COX10: variants seen among roughly 807,000 people sequenced by gnomAD.
The protein encoded by COX10 is protoheme IX farnesyltransferase, mitochondrial.
COX10 carries 27 observed loss-of-function variants against 37.3 expected under a neutral mutation model. That is an observed-to-expected ratio of 0.72 (90% CI 0.53 to 1.00). The LOEUF (loss-of-function observed/expected upper bound fraction) is 1.00. Among genes scored for constraint, COX10 ranks in the 50% least tolerant of loss-of-function variants. The pLI, the probability that COX10 is intolerant of heterozygous loss-of-function variation, is 0.00. For missense variants in COX10, 475 were observed against 563.2 expected, an observed-to-expected ratio of 0.84 and a Z score of 1.59; for synonymous variants, 222 against 229.1, an observed-to-expected ratio of 0.97 and a Z score of 0.28.
chr17:14,178,538 C>A (rs1194719308), intron 5 of COX10, among the ~76,000 whole-genome samples: 1 of 145,848 alleles, frequency 6.9e-6, no homozygotes, highest in Non-Finnish European at 1.5e-5. Flanking sequence ...AGACAAAAAT[C>A]TATTAAATTC....
chr17:14,117,797 C>CTAA (rs1916146687), intron 4 of COX10, among the ~76,000 whole-genome samples: 1 of 152,154 alleles, frequency 6.6e-6, no homozygotes, highest in Non-Finnish European at 1.5e-5. Context: ...TCTGCCTTAT[C>CTAA]CCAAGGACAA....
intron 4 of COX10, among the ~76,000 whole-genome samples, chr17:14,124,638 G>C (rs1190866070): frequency 6.6e-6 from 1 of 152,100 alleles, no homozygotes; most frequent in East Asian, 1.9e-4. Context: ...GATTACATAA[G>C]AAAGGAAAAA....
intron 4 of COX10, among the ~76,000 whole-genome samples, chr17:14,143,547 G>A (rs1904612006): frequency 6.6e-6 from 1 of 152,080 alleles, no homozygotes; most frequent in Non-Finnish European, 1.5e-5. Context: ...GTTAAAGAGA[G>A]GTTTCAAGTC....
chr17:14,174,456 C>CAA (rs61593222), intron 5 of COX10, among the ~76,000 whole-genome samples: 12,740 of 65,928 alleles, frequency 0.19, 1,140 homozygotes, highest in East Asian at 0.45. Flanking sequence ...AAGACCCTGT[C>CAA]AAAAAAAAAA....
At chr17:14,107,820 A>G (rs1214282524) in intron 4 of COX10, among the ~76,000 whole-genome samples, 1 of 152,082 alleles carries the variant, frequency 6.6e-6, no homozygotes, top group African/African-American at 2.4e-5. Context: ...CCTCATTACT[A>G]TGGTTGTCAC....
Position 14,069,640 on chromosome 17 carries a change from T to C in COX10, c.35T>C (p.Leu12Pro), listed in dbSNP as rs1035908396. Reference sequence around the variant, plus strand: ...TCTCCGCACACTCTCTCCTCACGCCTCCTGACAGGTACTGTACCCGCCTTG... The same window carrying C: ...TCTCCGCACACTCTCTCCTCACGCCCCCTGACAGGTACTGTACCCGCCTTG... The part of the protein sequence containing the change: ...AASPHTLSSR[L>P]LTGCVGGSVW... Residue 12 changes from leucine (L) to proline (P), a missense_variant, in exon 1 of 7, where the codon CTC becomes CCC. Coordinates refer to ENST00000261643, the MANE Select transcript of COX10 (RefSeq NM_001303.4). 3 of 1,613,900 alleles carry C rather than the reference T, an allele frequency of 1.9e-6. No homozygotes were observed. The highest frequency in any genetic ancestry group is 2.5e-6 in the Non-Finnish European group (3 of 1,179,976).
At chr17:14,179,247 T>C (rs1332770198) in intron 5 of COX10, 4 of 982,294 alleles carry the variant, frequency 4.1e-6, no homozygotes, top group South Asian at 9.4e-5. Flanking sequence ...CCATCTCTTA[T>C]CAAACCTGAG....
rs1306849814 is a variant in COX10, at chr17:14,178,591, C to T, written c.696-13398C>T. ...CTCTTCTGTTTCTCCTTTTTGTAGC[C>T]GACTTCTGGAAAGGGTGGCCTGCTC... is the stretch of plus-strand genomic sequence containing the variant. On this transcript the variant is annotated intron_variant, in intron 5 of 6. Coordinates refer to ENST00000261643, the MANE Select transcript of COX10 (RefSeq NM_001303.4). Among the ~76,000 whole-genome samples the T allele has an allele frequency of 4.0e-5, 6 of 149,180 alleles. No individual in the cohort carries two copies. The East Asian group carries it at 6.0e-4, about 15-fold the overall frequency.
chr17:14,119,067 A>G (rs536103423), intron 4 of COX10, among the ~76,000 whole-genome samples: 28 of 151,996 alleles, frequency 1.8e-4, no homozygotes, highest in African/African-American at 5.8e-4. Context: ...TGACAGTTTC[A>G]GTTGCTGTTA....
At chr17:14,140,389 G>A (rs151288009) in intron 4 of COX10, among the ~76,000 whole-genome samples, 2,066 of 152,038 alleles carry the variant, frequency 0.014, 14 homozygotes, top group African/African-American at 0.025. Context: ...CTATCAAGTT[G>A]TTTACCACAT....
intron 5 of COX10, among the ~76,000 whole-genome samples, chr17:14,163,386 T>C (rs946289224): frequency 2.0e-5 from 3 of 151,836 alleles, no homozygotes; most frequent in African/African-American, 7.3e-5. Flanking sequence ...TCCCAAGTAG[T>C]TGGGACTACA....
chr17:14,172,826 T>G (rs980221499), intron 5 of COX10, among the ~76,000 whole-genome samples: 3 of 152,064 alleles, frequency 2.0e-5, no homozygotes, highest in Non-Finnish European at 4.4e-5. Context: ...GTGCTGGGAT[T>G]ACAAGTGCGA....
At chr17:14,196,426 C>T (rs1459226957) in intron 6 of COX10, among the ~76,000 whole-genome samples, 7 of 152,118 alleles carry the variant, frequency 4.6e-5, no homozygotes, top group Non-Finnish European at 8.8e-5. Flanking sequence ...TGACCAGTTT[C>T]TTTGAGGAGG....
At position 14,102,153 on chromosome 17, in the gene COX10, T is replaced by C. The variant is rs143593847; in HGVS notation, c.535T>C (p.Leu179=). The C allele has an allele frequency of 9.5e-5, 153 of 1,613,746 alleles. 1 individual carries two copies. Among genetic ancestry groups the C allele is most frequent in the African/African-American group, 9.1e-4 (68 of 75,018 alleles). ...AAGTACCACTGCAGCTGGATTTGCA[T>C]TGGCTCCGGGCCCTTTTGACTGGCC... ...VVSTTAAGFA[L]APGPFDWPCF... Residue 179 remains leucine (L), a synonymous_variant, in exon 4 of 7, where the codon TTG becomes CTG. Coordinates refer to ENST00000261643, the MANE Select transcript of COX10 (RefSeq NM_001303.4).
At chr17:14,175,324 G>C (rs1013691522) in intron 5 of COX10, among the ~76,000 whole-genome samples, 21 of 151,510 alleles carry the variant, frequency 1.4e-4, no homozygotes, top group Admixed American at 3.3e-4. Context: ...GGAATAGAAT[G>C]TTGTAGAACA....
chr17:14,073,189 A>C (rs184393101), intron 1 of COX10, among the ~76,000 whole-genome samples: 46 of 152,326 alleles, frequency 3.0e-4, no homozygotes, highest in Admixed American at 1.2e-3. Flanking sequence ...GAAGTATTGA[A>C]GGCAGGAGGA....
intron 3 of COX10, among the ~76,000 whole-genome samples, chr17:14,094,362 A>G (rs944659941): frequency 2.0e-5 from 3 of 151,792 alleles, no homozygotes; most frequent in African/African-American, 7.2e-5. Context: ...TCTTACACTG[A>G]TATATTCATT....
At chr17:14,194,588 A>G (rs1377602380) in intron 6 of COX10, among the ~76,000 whole-genome samples, 5 of 152,134 alleles carry the variant, frequency 3.3e-5, no homozygotes, top group East Asian at 1.9e-4. Context: ...CACCACGCCC[A>G]GCTAATTTTT....
intron 4 of COX10, among the ~76,000 whole-genome samples, chr17:14,152,431 T>C (rs2142234197): frequency 6.6e-6 from 1 of 152,296 alleles, no homozygotes; most frequent in South Asian, 2.1e-4. Flanking sequence ...ACCGCTACCA[T>C]GATTCAGTTC....
Sources: allele counts gnomAD v4.1 joint callset (sites outside exome capture counted in the v4.1 genomes callset), GRCh38; gene constraint gnomAD v4.1.1; transcripts MANE v1.5; gene names NCBI Gene and HGNC (gene_info 2026-07-23, HGNC 2026-07-21).